Variants in NKAIN2 observed in about 807,000 individuals in gnomAD.
NKAIN2 encodes sodium/potassium transporting ATPase interacting 2.
Under a neutral mutation model 32.6 loss-of-function variants are expected in NKAIN2, and 14 were observed. That is an observed-to-expected ratio of 0.43 (90% CI 0.28 to 0.67). The LOEUF (loss-of-function observed/expected upper bound fraction) is 0.67, where lower values mean the gene tolerates loss of function less well. Among genes scored for constraint, NKAIN2 ranks in the 30% least tolerant of loss-of-function variants. The pLI is 0.17. For missense variants in NKAIN2, 198 were observed against 258.3 expected (o/e 0.77, Z 1.60); for synonymous variants, 80 against 87.2 (o/e 0.92, Z 0.46).
At chr6:123,922,497 G>T (rs2114494802) in intron 1 of NKAIN2, among the ~76,000 whole-genome samples, 2 of 152,202 alleles carry the variant, frequency 1.3e-5, no homozygotes, top group Middle Eastern at 6.8e-3. Context: ...GATGAATATT[G>T]TAAGTTTCTT....
intron 1 of NKAIN2, among the ~76,000 whole-genome samples, chr6:124,055,539 T>G (rs2114843070): frequency 6.6e-6 from 1 of 152,156 alleles, no homozygotes; most frequent in African/African-American, 2.4e-5. Context: ...AACTCCATTC[T>G]TTTGTCCTCA....
chr6:124,085,557 G>A (rs1784157485), intron 1 of NKAIN2, among the ~76,000 whole-genome samples: 1 of 151,644 alleles, frequency 6.6e-6, no homozygotes, highest in Non-Finnish European at 1.5e-5. Flanking sequence ...CACTTTTCTT[G>A]GCCCCTGTTT....
At chr6:124,148,315 A>G (rs950945082) in intron 1 of NKAIN2, among the ~76,000 whole-genome samples, 1 of 151,922 alleles carries the variant, frequency 6.6e-6, no homozygotes, top group Non-Finnish European at 1.5e-5. Context: ...TTTTTTTAGT[A>G]TATTTACAAA....
chr6:123,897,004 C>G (rs1000434858), intron 1 of NKAIN2, among the ~76,000 whole-genome samples: 1 of 152,160 alleles, frequency 6.6e-6, no homozygotes, highest in African/African-American at 2.4e-5. Context: ...CTACTTGACT[C>G]AGTAGGTGCT....
At chr6:124,333,383 C>T (rs942913620) in intron 2 of NKAIN2, among the ~76,000 whole-genome samples, 3 of 152,078 alleles carry the variant, frequency 2.0e-5, no homozygotes, top group Non-Finnish European at 4.4e-5. Flanking sequence ...TGAACTTAGG[C>T]TGGGTGCAGT....
intron 4 of NKAIN2, among the ~76,000 whole-genome samples, chr6:124,742,558 C>A (rs1323120315): frequency 6.6e-6 from 1 of 151,816 alleles, no homozygotes; most frequent in Non-Finnish European, 1.5e-5. Context: ...GGTGAGAATT[C>A]TTGGCCTCTA....
intron 1 of NKAIN2, among the ~76,000 whole-genome samples, chr6:124,087,086 G>A (rs1784220400): frequency 1.3e-5 from 2 of 151,790 alleles, no homozygotes; most frequent in South Asian, 4.1e-4. Context: ...CAACTAAATA[G>A]GATTTATCTC....
At chr6:124,735,575 T>C (rs1562354253) in intron 4 of NKAIN2, among the ~76,000 whole-genome samples, 2 of 151,932 alleles carry the variant, frequency 1.3e-5, no homozygotes, top group Non-Finnish European at 2.9e-5. Context: ...TTTCTGCAAA[T>C]TGATGGTTTG....
intron 1 of NKAIN2, among the ~76,000 whole-genome samples, chr6:123,961,417 G>T (rs1777845515): frequency 6.6e-6 from 1 of 152,166 alleles, no homozygotes; most frequent in Admixed American, 6.5e-5. Flanking sequence ...AAGCACAATT[G>T]CCAGCATATT....
chr6:123,977,476 G>C (rs1381473158), intron 1 of NKAIN2, among the ~76,000 whole-genome samples: 1 of 152,062 alleles, frequency 6.6e-6, no homozygotes, highest in Non-Finnish European at 1.5e-5. Flanking sequence ...AAAATGTAAA[G>C]CTTACATTTT....
rs188285160 is a variant in NKAIN2, at chr6:124,365,721, G to T, written c.273+10374G>T. Among the ~76,000 whole-genome samples the T allele has an allele frequency of 1.8e-4, 27 of 151,888 alleles. No homozygotes were observed. The East Asian group carries it at 3.3e-3, about 18-fold the overall frequency. On this transcript the variant is annotated intron_variant, in intron 3 of 6. Transcript: ENST00000368417. Reference sequence around the variant, plus strand: ...AGAATACACTCCACCAAACAAAAGGGTTTTCAAAGGCATATAGAATATTCA... The same window carrying T: ...AGAATACACTCCACCAAACAAAAGGTTTTTCAAAGGCATATAGAATATTCA...
chr6:124,710,968 C>T (rs960372011), intron 4 of NKAIN2, among the ~76,000 whole-genome samples: 8 of 149,704 alleles, frequency 5.3e-5, no homozygotes, highest in East Asian at 2.0e-4. Flanking sequence ...GTGGCTGGTA[C>T]GGGTTGTTCC....
At chr6:124,536,379 G>T (rs1779715316) in intron 3 of NKAIN2, among the ~76,000 whole-genome samples, 1 of 151,968 alleles carries the variant, frequency 6.6e-6, no homozygotes, top group Non-Finnish European at 1.5e-5. Context: ...CCTCTATCTG[G>T]TCTCATATTA....
intron 3 of NKAIN2, among the ~76,000 whole-genome samples, chr6:124,571,025 A>G (rs371363558): frequency 6.6e-6 from 1 of 152,160 alleles, no homozygotes; most frequent in Admixed American, 6.5e-5. Context: ...GTCAAAGGAC[A>G]TCATTTTGGA....
chr6:124,166,999 G>A (rs1294254208), intron 1 of NKAIN2, among the ~76,000 whole-genome samples: 13 of 150,836 alleles, frequency 8.6e-5, no homozygotes, highest in East Asian at 3.9e-4. Flanking sequence ...TTGGGGATGC[G>A]GGCTCTTTTT....
chr6:124,782,057 T>A (rs1468640372), intron 4 of NKAIN2, among the ~76,000 whole-genome samples: 2 of 152,156 alleles, frequency 1.3e-5, no homozygotes, highest in Admixed American at 6.6e-5. Context: ...AAATACCTTT[T>A]CATAAGCATA....
chr6:124,523,068 G>A (rs1779178185), intron 3 of NKAIN2, among the ~76,000 whole-genome samples: 2 of 92,980 alleles, frequency 2.2e-5, no homozygotes, highest in South Asian at 9.6e-4. Flanking sequence ...GCGTGAACCC[G>A]GGAGGCGGAG....
At chr6:123,910,509 T>TG (rs1253729741) in intron 1 of NKAIN2, among the ~76,000 whole-genome samples, 8 of 128,602 alleles carry the variant, frequency 6.2e-5, no homozygotes, top group Non-Finnish European at 1.1e-4. Context: ...GTTTTTTTTT[T>TG]TTTTTTTTTT....
intron 1 of NKAIN2, among the ~76,000 whole-genome samples, chr6:124,209,654 A>T (rs1791072638): frequency 6.6e-6 from 1 of 151,862 alleles, no homozygotes; most frequent in African/African-American, 2.4e-5. Flanking sequence ...CTATTTTAAC[A>T]ATGGTAAGAT....
Sources: gnomAD v4.1 joint callset for allele counts (sites outside exome capture counted in the v4.1 genomes callset) on GRCh38, gnomAD v4.1.1 for gene constraint, MANE v1.5 for transcripts, NCBI Gene and HGNC (gene_info 2026-07-23, HGNC 2026-07-21) for gene names.